The following PDE10A variants were observed in gnomAD, a reference collection of about 807,000 sequenced individuals.
PDE10A encodes phosphodiesterase 10A.
PDE10A carries 39 observed loss-of-function variants against 97.7 expected under a neutral mutation model. The ratio of observed to expected loss-of-function variants is 0.40; its 90% CI spans 0.31 to 0.52. The LOEUF (loss-of-function observed/expected upper bound fraction) is 0.52. Ranked by LOEUF, PDE10A falls within the 20% of genes least tolerant of loss-of-function variation. The probability of loss-of-function intolerance (pLI) is 0.56; values close to 1 mark genes in which losing one functional copy is unlikely to be tolerated. For missense variants in PDE10A, 731 were observed against 1,047.8 expected (o/e 0.70, Z 4.17); for synonymous variants, 371 against 376.8 (o/e 0.98, Z 0.18).
intron 2 of PDE10A, among the ~76,000 whole-genome samples, chr6:165,539,533 G>C (rs1266295497): frequency 6.6e-6 from 1 of 152,184 alleles, no homozygotes; most frequent in East Asian, 1.9e-4. Flanking sequence ...TTTGTAGACT[G>C]AGAACCCTTT....
chr6:165,839,444 C>A (rs1182559790), intron 1 of PDE10A, among the ~76,000 whole-genome samples: 2 of 152,130 alleles, frequency 1.3e-5, no homozygotes, highest in South Asian at 2.1e-4. Flanking sequence ...AATTAGATTT[C>A]TTTTTTTCCC....
At chr6:165,445,008 GTT>G (rs1170301611) in intron 5 of PDE10A, among the ~76,000 whole-genome samples, 1 of 151,970 alleles carries the variant, frequency 6.6e-6, no homozygotes, top group Non-Finnish European at 1.5e-5. Flanking sequence ...GTGAAATTGA[GTT>G]ATTTAAGACT....
chr6:165,622,339 G>A (rs115436511), intron 1 of PDE10A, among the ~76,000 whole-genome samples: 3 of 152,050 alleles, frequency 2.0e-5, no homozygotes, highest in Admixed American at 6.6e-5. Flanking sequence ...CGTGAGAAAC[G>A]TGTTGCTAGT....
At position 165,431,464 on chromosome 6, in the gene PDE10A, T is replaced by C; in HGVS notation, c.1500A>G (p.Thr500=). The C allele has an allele frequency of 1.3e-6, 2 of 1,594,422 alleles. No homozygotes were observed. Among genetic ancestry groups the C allele is most frequent in the African/African-American group, 1.3e-5 (1 of 74,100 alleles). The part of the protein sequence containing the change: ...AFCLSHQEVA[T]ANLAWASVAI... ...CTACTGAAGCCCAGGCAAGATTTGCTGTTGCAACCTAAAAAAAACAAGAAA... is the reference window on the plus strand; with the variant it reads ...CTACTGAAGCCCAGGCAAGATTTGCCGTTGCAACCTAAAAAAAACAAGAAA... The change falls in exon 8 of 22, where the codon ACA becomes ACG. Residue 500 remains threonine, a synonymous_variant. Coordinates refer to ENST00000539869, the MANE Select transcript of PDE10A (RefSeq NM_001385079.1).
chr6:165,484,997 G>A (rs1300128253), intron 2 of PDE10A, among the ~76,000 whole-genome samples: 1 of 152,158 alleles, frequency 6.6e-6, no homozygotes, highest in South Asian at 2.1e-4. Context: ...CTCCAAGACT[G>A]CCAATGAAAA....
At chr6:165,546,402 T>A (rs895431020) in intron 1 of PDE10A, among the ~76,000 whole-genome samples, 1 of 152,086 alleles carries the variant, frequency 6.6e-6, no homozygotes, top group Non-Finnish European at 1.5e-5. Context: ...AAGAGTAAAC[T>A]ATCACGTATG....
At chr6:165,747,498 T>C (rs1792869429) in intron 1 of PDE10A, among the ~76,000 whole-genome samples, 1 of 152,176 alleles carries the variant, frequency 6.6e-6, no homozygotes, top group South Asian at 2.1e-4. Context: ...TGAGATAACA[T>C]CACATTGCTA....
intron 18 of PDE10A, among the ~76,000 whole-genome samples, chr6:165,375,126 C>T (rs1475882595): frequency 1.3e-5 from 2 of 152,120 alleles, no homozygotes; most frequent in Admixed American, 1.3e-4. Context: ...CAATTAATAA[C>T]TCTACAATGA....
intron 8 of PDE10A, 114 bp downstream of exon 8, chr6:165,431,308 A>T: frequency 1.8e-6 from 1 of 559,806 alleles, no homozygotes; most frequent in Non-Finnish European, 3.2e-6. Flanking sequence ...AGAAAATTGT[A>T]ATATCCCAAA....
intron 1 of PDE10A, among the ~76,000 whole-genome samples, chr6:165,875,227 C>A (rs911595471): frequency 6.6e-6 from 1 of 152,130 alleles, no homozygotes. Context: ...AGGAGGATAA[C>A]ATCAGGAGAG....
At chr6:165,839,936 T>TCCC (rs149203848) in intron 1 of PDE10A, among the ~76,000 whole-genome samples, 7 of 29,040 alleles carry the variant, frequency 2.4e-4, no homozygotes, top group African/African-American at 3.4e-4. Context: ...TCTCCATTCT[T>TCCC]ATCTTCATTT....
At chr6:165,540,641 CT>C (rs927590950) in intron 2 of PDE10A, among the ~76,000 whole-genome samples, 1 of 152,016 alleles carries the variant, frequency 6.6e-6, no homozygotes, top group Admixed American at 6.6e-5. Context: ...ACGGGACTTT[CT>C]TTTTTTGTTT....
At chr6:165,916,310 G>T (rs573750029) in intron 1 of PDE10A, among the ~76,000 whole-genome samples, 2 of 152,138 alleles carry the variant, frequency 1.3e-5, no homozygotes, top group South Asian at 4.1e-4. Context: ...GATTCCACAC[G>T]TTCTTCTCTG....
intron 1 of PDE10A, among the ~76,000 whole-genome samples, chr6:165,836,869 T>TA (rs1213772060): frequency 1.3e-5 from 2 of 151,982 alleles, no homozygotes; most frequent in Admixed American, 1.3e-4. Flanking sequence ...TATGCAGCCA[T>TA]AAAAAATGAT....
chr6:165,650,018 A>C (rs1789597658), intron 1 of PDE10A, among the ~76,000 whole-genome samples: 1 of 152,210 alleles, frequency 6.6e-6, no homozygotes, highest in Non-Finnish European at 1.5e-5. Context: ...CACAAGGGGT[A>C]GTGATGCGTG....
chr6:165,737,261 G>T (rs1423239641), intron 1 of PDE10A, among the ~76,000 whole-genome samples: 1 of 152,158 alleles, frequency 6.6e-6, no homozygotes, highest in Non-Finnish European at 1.5e-5. Context: ...AAGAAGCAAA[G>T]ATGAAGGAAC....
At chr6:165,456,356 T>C (rs1358396245) in intron 3 of PDE10A, among the ~76,000 whole-genome samples, 1 of 152,364 alleles carries the variant, frequency 6.6e-6, no homozygotes, top group South Asian at 2.1e-4. Flanking sequence ...GAATTCTTCA[T>C]TTTCCACGTG....
At chr6:165,651,768 A>T (rs1053381407) in intron 1 of PDE10A, among the ~76,000 whole-genome samples, 1 of 152,204 alleles carries the variant, frequency 6.6e-6, no homozygotes, top group African/African-American at 2.4e-5. Flanking sequence ...TTAAATATAC[A>T]CATAAATATA....
chr6:165,646,858 G>A (rs140490901), intron 1 of PDE10A, among the ~76,000 whole-genome samples: 350 of 152,308 alleles, frequency 2.3e-3, no homozygotes, highest in African/African-American at 8.1e-3. Flanking sequence ...ATGCCCATCC[G>A]ACAGTATTAA....
Sources: gnomAD v4.1 joint callset for allele counts (sites outside exome capture counted in the v4.1 genomes callset) on GRCh38, gnomAD v4.1.1 for gene constraint, MANE v1.5 for transcripts, NCBI Gene and HGNC (gene_info 2026-07-23, HGNC 2026-07-21) for gene names.